TBC1D19: variants seen among roughly 807,000 people sequenced by gnomAD.
TBC1D19 encodes the protein TBC1 domain family member 19.
A neutral mutation model predicts 89.0 loss-of-function variants in TBC1D19; 60 were observed. That is an observed-to-expected ratio of 0.67 (90% CI 0.55 to 0.84). TBC1D19 has a LOEUF of 0.84. Among genes scored for constraint, TBC1D19 ranks in the 40% least tolerant of loss-of-function variants. TBC1D19 has a pLI of 0.00. For missense variants in TBC1D19, 500 were observed against 610.8 expected (o/e 0.82, Z 1.91); for synonymous variants, 189 against 199.7 (o/e 0.95, Z 0.45).
At chr4:26,856,443 T>C in the TBC1D19 span, among the ~76,000 whole-genome samples, 3 of 152,180 alleles carry the variant, frequency 2.0e-5, no homozygotes, top group African/African-American at 7.2e-5. Context: ...AACATGAGAG[T>C]GCAGATATCT....
chr4:26,659,579 T>C lies in TBC1D19; in HGVS notation c.481-18T>C, dbSNP rs781288351. On this transcript the variant is annotated intron_variant, in intron 7 of 20. Transcript: ENST00000264866. Reference sequence around the variant, plus strand: ...CCTGGAAAGAAACTAACCAATTTTGTTGGATTTGTTTTTAAAGGTATTAAT... The same window carrying C: ...CCTGGAAAGAAACTAACCAATTTTGCTGGATTTGTTTTTAAAGGTATTAAT... The C allele has an allele frequency of 2.0e-6, 3 of 1,521,068 alleles. No homozygotes were observed. Among genetic ancestry groups the C allele is most frequent in the South Asian group, 2.4e-5 (2 of 83,936 alleles). The allele number at this position is 1,521,068 out of a possible 1,614,324, so 94.2% of individuals were successfully genotyped here. A position where few individuals can be genotyped will look rare whatever the true frequency, so the allele number is the denominator to read the frequency against.
chr4:26,691,383 G>A (rs191735113), intron 13 of TBC1D19, among the ~76,000 whole-genome samples: 271 of 152,278 alleles, frequency 1.8e-3, no homozygotes, highest in African/African-American at 6.2e-3. Flanking sequence ...AGTTCTGTGG[G>A]TAAAGTGCCA....
intron 11 of TBC1D19, 62 bp downstream of exon 11, chr4:26,673,950 GT>G: frequency 1.0e-6 from 1 of 1,001,894 alleles, no homozygotes. Flanking sequence ...TCAAAGACCA[GT>G]TATTCAAAAT....
chr4:26,735,619 G>A, intron 16 of TBC1D19, 132 bp downstream of exon 16: 1 of 750,458 alleles, frequency 1.3e-6, no homozygotes. Context: ...AAAGTGAAAT[G>A]CATGCTAGTT....
At chr4:26,630,447 G>A (rs1742736473) in intron 4 of TBC1D19, among the ~76,000 whole-genome samples, 1 of 151,400 alleles carries the variant, frequency 6.6e-6, no homozygotes, top group South Asian at 2.1e-4. Context: ...TTTATTTTGG[G>A]GTGCTAAATG....
chr4:26,794,398 GATAAATAGATTAA>G, the TBC1D19 span, among the ~76,000 whole-genome samples: 1 of 151,954 alleles, frequency 6.6e-6, no homozygotes, highest in African/African-American at 2.4e-5. Context: ...TATTTGAAAA[GATAAATAGATTAA>G]ATGAACTTCA....
chr4:26,718,185 T>C (rs1369697893), intron 14 of TBC1D19, among the ~76,000 whole-genome samples, 168 bp downstream of exon 14: 1 of 152,078 alleles, frequency 6.6e-6, no homozygotes, highest in Non-Finnish European at 1.5e-5. Flanking sequence ...GCCCAAGTAA[T>C]TTATCACAAA....
At chr4:26,700,789 T>C (rs907544109) in intron 13 of TBC1D19, among the ~76,000 whole-genome samples, 1 of 152,206 alleles carries the variant, frequency 6.6e-6, no homozygotes, top group Admixed American at 6.5e-5. Flanking sequence ...ATTACATTTC[T>C]TTACTGCTAC....
intron 11 of TBC1D19, among the ~76,000 whole-genome samples, chr4:26,674,941 A>G (rs1444961787): frequency 6.6e-6 from 1 of 152,090 alleles, no homozygotes; most frequent in Non-Finnish European, 1.5e-5. Flanking sequence ...GCATGTGTGT[A>G]TACTGTGTTT....
intron 12 of TBC1D19, among the ~76,000 whole-genome samples, chr4:26,686,018 C>G (rs902643639): frequency 3.9e-5 from 6 of 152,104 alleles, no homozygotes; most frequent in Non-Finnish European, 8.8e-5. Flanking sequence ...AAGCTGTGCG[C>G]AACGTGAATG....
At chr4:26,763,997 T>A in the TBC1D19 span, among the ~76,000 whole-genome samples, 1 of 152,230 alleles carries the variant, frequency 6.6e-6, no homozygotes, top group African/African-American at 2.4e-5. Flanking sequence ...GTACAGTATG[T>A]TATCTATAAA....
the TBC1D19 span, among the ~76,000 whole-genome samples, chr4:26,824,450 A>C: frequency 6.6e-6 from 1 of 152,364 alleles, no homozygotes; most frequent in East Asian, 1.9e-4. Flanking sequence ...AAACTAATGA[A>C]TGCTCAATGC....
At chr4:26,805,101 C>A in the TBC1D19 span, among the ~76,000 whole-genome samples, 1 of 152,204 alleles carries the variant, frequency 6.6e-6, no homozygotes, top group Non-Finnish European at 1.5e-5. Context: ...GCAAATTACC[C>A]AGCTGCCCTG....
At chr4:26,581,659 C>T (rs941478930), upstream of TBC1D19, among the ~76,000 whole-genome samples, 1 of 152,198 alleles carries the variant, frequency 6.6e-6, no homozygotes, top group Non-Finnish European at 1.5e-5. Flanking sequence ...CCTTCAGTTT[C>T]TTGTGAGACA....
At chr4:26,667,200 A>G (rs540609791) in intron 9 of TBC1D19, among the ~76,000 whole-genome samples, 33 of 152,176 alleles carry the variant, frequency 2.2e-4, no homozygotes, top group African/African-American at 7.5e-4. Context: ...GCAACTTTAT[A>G]TGGTATCAAT....
At chr4:26,614,081 A>G (rs1274079544) in intron 2 of TBC1D19, among the ~76,000 whole-genome samples, 1 of 152,182 alleles carries the variant, frequency 6.6e-6, no homozygotes, top group Non-Finnish European at 1.5e-5. Context: ...TTATAGCTTT[A>G]GTAGTACAAC....
intron 1 of TBC1D19, among the ~76,000 whole-genome samples, chr4:26,578,231 C>T (rs939852839): frequency 1.3e-5 from 2 of 152,192 alleles, no homozygotes; most frequent in Admixed American, 1.3e-4. Flanking sequence ...TGTGCCTGCA[C>T]ATTTGGCTCT....
intron 18 of TBC1D19, among the ~76,000 whole-genome samples, chr4:26,746,126 C>A (rs1428040446): frequency 6.6e-6 from 1 of 151,802 alleles, no homozygotes; most frequent in Non-Finnish European, 1.5e-5. Flanking sequence ...TTCTTCTTTT[C>A]TTCTGGCAAT....
intron 1 of TBC1D19, among the ~76,000 whole-genome samples, chr4:26,595,450 G>A (rs1228641812): frequency 1.3e-5 from 2 of 152,014 alleles, no homozygotes; most frequent in African/African-American, 4.8e-5. Flanking sequence ...TTCTTTTATG[G>A]ATTGTGCATT....
Sources: gnomAD v4.1 joint callset for allele counts (sites outside exome capture counted in the v4.1 genomes callset) on GRCh38, gnomAD v4.1.1 for gene constraint, MANE v1.5 for transcripts, NCBI Gene and HGNC (gene_info 2026-07-23, HGNC 2026-07-21) for gene names.